Variants in PCDH15 observed in about 807,000 individuals in gnomAD.
The protein encoded by PCDH15 is protocadherin related 15.
A neutral mutation model predicts 178.5 loss-of-function variants in PCDH15; 129 were observed. The observed-to-expected ratio is 0.72, with a 90% CI of 0.63 to 0.84. PCDH15 has a LOEUF of 0.84. Among genes scored for constraint, PCDH15 ranks in the 40% least tolerant of loss-of-function variants. The pLI is 0.00. For synonymous variants in PCDH15, 800 were observed against 732.0 expected (o/e 1.09, Z -1.50); for missense variants, 2,230 against 2,099.9 (o/e 1.06, Z -1.21).
At chr10:55,246,097 A>C (rs1385290398) in intron 1 of PCDH15, among the ~76,000 whole-genome samples, 1 of 152,180 alleles carries the variant, frequency 6.6e-6, no homozygotes, top group Middle Eastern at 3.2e-3. Flanking sequence ...GTCTTTTATC[A>C]CTATTTTGCT....
chr10:54,163,449 A>C (rs2045914865), intron 13 of PCDH15, among the ~76,000 whole-genome samples: 1 of 151,906 alleles, frequency 6.6e-6, no homozygotes, highest in African/African-American at 2.4e-5. Context: ...TATACTTTTA[A>C]ACCATCAGCT....
At chr10:54,463,981 G>A (rs1020729917) in intron 3 of PCDH15, among the ~76,000 whole-genome samples, 3 of 152,174 alleles carry the variant, frequency 2.0e-5, no homozygotes, top group African/African-American at 4.8e-5. Context: ...AATAATAGGC[G>A]TTTGGATGTA....
intron 2 of PCDH15, among the ~76,000 whole-genome samples, chr10:55,028,498 T>A (rs1222619802): frequency 6.6e-6 from 1 of 151,914 alleles, no homozygotes; most frequent in East Asian, 1.9e-4. Context: ...TTTTGAGAAT[T>A]TGGAAATTCA....
intron 2 of PCDH15, among the ~76,000 whole-genome samples, chr10:55,590,802 T>C (rs960629081): frequency 6.6e-6 from 1 of 152,146 alleles, no homozygotes; most frequent in Non-Finnish European, 1.5e-5. Flanking sequence ...TTCTTTTTTC[T>C]TTAAAAACTA....
rs763534924 is a variant in PCDH15 at position 53,822,230 on chromosome 10, TGAAGGAGGTGGAGGGCAAGGAATA to T, written c.4368-2024_4368-2001del. The T allele has an allele frequency of 9.3e-6, 15 of 1,613,810 alleles. No individual in the cohort carries two copies. The highest frequency in any genetic ancestry group is 1.2e-5 in the Non-Finnish European group (14 of 1,179,906). On this transcript the variant is annotated intron_variant, in intron 32 of 37. Coordinates refer to ENST00000644397, the MANE Select transcript of PCDH15 (RefSeq NM_001384140.1). ...CACACTCTGTGGACAGAAATGAAGC[TGAAGGAGGTGGAGGGCAAGGAATA>T]GAAGGAGGTGGTGGAGGAAGAGGAG...
chr10:55,180,406 A>G (rs944293233), intron 1 of PCDH15, among the ~76,000 whole-genome samples: 1 of 152,160 alleles, frequency 6.6e-6, no homozygotes, highest in Admixed American at 6.6e-5. Context: ...AGACCGTCTC[A>G]CCAGTATGTG....
At chr10:54,742,358 G>A (rs1163392721) in intron 1 of PCDH15, among the ~76,000 whole-genome samples, 1 of 151,976 alleles carries the variant, frequency 6.6e-6, no homozygotes. Context: ...TGGGGAAATT[G>A]GGAATACAGA....
chr10:53,825,281 C>T (rs2132545311), intron 32 of PCDH15: 1 of 984,966 alleles, frequency 1.0e-6, no homozygotes, highest in East Asian at 3.2e-5. Context: ...AAAAAAAAGG[C>T]ATGTTTTTAT....
At chr10:54,609,110 A>T (rs188043715) in intron 2 of PCDH15, among the ~76,000 whole-genome samples, 33 of 152,236 alleles carry the variant, frequency 2.2e-4, no homozygotes, top group Admixed American at 2.0e-3. Flanking sequence ...TGACTATTGA[A>T]TTGTCAGTAT....
At chr10:53,810,788 C>T in intron 36 of PCDH15, 124 bp from the exon 37 acceptor site, 3 of 874,366 alleles carry the variant, frequency 3.4e-6, no homozygotes, top group East Asian at 5.0e-5. Flanking sequence ...CAGCACCTAT[C>T]AGGCTCCTTG....
At chr10:54,586,973 C>T (rs1189565971) in intron 2 of PCDH15, among the ~76,000 whole-genome samples, 4 of 151,652 alleles carry the variant, frequency 2.6e-5, no homozygotes, top group Non-Finnish European at 4.4e-5. Flanking sequence ...CATATTTTTG[C>T]TTTTTTTTAA....
chr10:54,710,724 C>T (rs1412994363), intron 1 of PCDH15, among the ~76,000 whole-genome samples: 1 of 151,914 alleles, frequency 6.6e-6, no homozygotes, highest in East Asian at 1.9e-4. Context: ...TTTATTTTAG[C>T]AGGAAAAAAT....
intron 2 of PCDH15, among the ~76,000 whole-genome samples, chr10:54,616,235 G>A (rs537270590): frequency 6.6e-6 from 1 of 152,156 alleles, no homozygotes; most frequent in Admixed American, 6.6e-5. Context: ...TAAAAGGGAG[G>A]CATGAAGAAG....
chr10:54,295,191 G>C (rs2059670725), intron 8 of PCDH15, among the ~76,000 whole-genome samples: 1 of 152,158 alleles, frequency 6.6e-6, no homozygotes, highest in Admixed American at 6.5e-5. Context: ...GAGAACTTTT[G>C]TGTCTAGCTA....
intron 2 of PCDH15, among the ~76,000 whole-genome samples, chr10:55,560,352 C>A (rs1038270609): frequency 1.2e-4 from 18 of 151,824 alleles, no homozygotes; most frequent in African/African-American, 4.1e-4. Flanking sequence ...ACTTATCACA[C>A]CCAATAACAT....
intron 2 of PCDH15, among the ~76,000 whole-genome samples, chr10:55,449,825 T>A (rs932806197): frequency 3.9e-5 from 6 of 152,066 alleles, no homozygotes; most frequent in African/African-American, 1.4e-4. Context: ...TTCACTAATT[T>A]TTTTTCTGAG....
chr10:55,595,931 A>T (rs1399454980), intron 2 of PCDH15, among the ~76,000 whole-genome samples: 2 of 152,126 alleles, frequency 1.3e-5, no homozygotes, highest in Non-Finnish European at 2.9e-5. Context: ...AACGTCTAAT[A>T]ATAATGTTTG....
chr10:55,083,040 C>T (rs1321019784), intron 2 of PCDH15, among the ~76,000 whole-genome samples: 1 of 151,746 alleles, frequency 6.6e-6, no homozygotes, highest in African/African-American at 2.4e-5. Context: ...CTTCCAAGCT[C>T]ATTATACAAA....
chr10:55,511,058 T>A (rs999062900), intron 2 of PCDH15, among the ~76,000 whole-genome samples: 25 of 151,290 alleles, frequency 1.7e-4, no homozygotes, highest in Middle Eastern at 3.4e-3. Flanking sequence ...TTTGTTTTTT[T>A]TTTTAGAGAT....
Sources: allele counts gnomAD v4.1 joint callset (sites outside exome capture counted in the v4.1 genomes callset), GRCh38; gene constraint gnomAD v4.1.1; transcripts MANE v1.5; gene names NCBI Gene and HGNC (gene_info 2026-07-23, HGNC 2026-07-21).